The following ALDH16A1 variants were observed in gnomAD, a reference collection of about 807,000 sequenced individuals.
ALDH16A1 encodes the protein aldehyde dehydrogenase family 16 member A1.
Under a neutral mutation model 96.1 loss-of-function variants are expected in ALDH16A1, and 88 were observed. The ratio of observed to expected loss-of-function variants is 0.92; its 90% CI spans 0.77 to 1.09. The LOEUF (loss-of-function observed/expected upper bound fraction) is 1.09. Among genes scored for constraint, ALDH16A1 ranks in the 50% least tolerant of loss-of-function variants. The pLI is 0.00. For synonymous variants in ALDH16A1, 522 were observed against 496.4 expected (o/e 1.05, Z -0.69); for missense variants, 1,250 against 1,112.6 (o/e 1.12, Z -1.76).
Position 49,461,877 on chromosome 19 carries a change from T to TC in ALDH16A1, c.760-4dup, listed in dbSNP as rs750094575. 3 of 1,583,052 alleles carry TC rather than the reference T, an allele frequency of 1.9e-6. No individual in the cohort carries two copies. Among genetic ancestry groups the TC allele is most frequent in the African/African-American group, 1.4e-5 (1 of 72,784 alleles). ...CCTCCTGCGGCTGAACTGGGGGGGG[T>TC]CCCTAGGAAGGGCGTGCCCTTCGAC... is the stretch of plus-strand genomic sequence containing the variant. On this transcript the variant is annotated splice_region_variant and splice_polypyrimidine_tract_variant and intron_variant, in intron 6 of 16. Coordinates refer to ENST00000293350, the MANE Select transcript of ALDH16A1 (RefSeq NM_153329.4).
chr19:49,462,412 G>C (rs1372398646), intron 7 of ALDH16A1, among the ~76,000 whole-genome samples, 158 bp from the exon 8 acceptor site: 3 of 152,200 alleles, frequency 2.0e-5, no homozygotes, highest in African/African-American at 7.2e-5. Flanking sequence ...TGGGACTGCA[G>C]GTGTGAGCCA....
At chr19:49,458,430 T>A (rs1241420285) in intron 1 of ALDH16A1, 56 bp from the exon 2 acceptor site, 70 of 1,416,568 alleles carry the variant, frequency 4.9e-5, no homozygotes, top group Non-Finnish European at 6.6e-5. Context: ...TGGGTAGGGG[T>A]TGAACTGCCC....
In ALDH16A1 at chr19:49,468,783, C is replaced by T. The variant is rs531583524; in HGVS notation, c.2125-81C>T. 5.3e-6 allele frequency: 8 copies of T among 1,522,834 alleles called. No individual in the cohort carries two copies. The South Asian group carries it at 9.6e-5, about 18-fold the overall frequency. 94.3% of individuals were successfully genotyped at this position (1,522,834 alleles called of 1,614,324 possible). A position where few individuals can be genotyped will look rare whatever the true frequency, so the allele number is the denominator to read the frequency against. ...CCTCCATGACCCCCCATCCCCTTCC[C>T]TCCCATGGGCACCCCCTGAATGCCC... On this transcript the variant is annotated intron_variant, in intron 15 of 16. Transcript: ENST00000293350. The surrounding 1 kb of genome is among the most constrained non-coding windows in gnomAD (Gnocchi z 4.4).
chr19:49,466,683 A>C (rs1426925136), intron 14 of ALDH16A1, among the ~76,000 whole-genome samples: 1 of 151,980 alleles, frequency 6.6e-6, no homozygotes, highest in Admixed American at 6.6e-5. Context: ...ACACGGTGAA[A>C]CCTGGTCTCT....
At position 49,468,208 on chromosome 19, in the gene ALDH16A1, C is replaced by T. The variant is rs906307925; in HGVS notation, c.1939-173C>T. The T allele has an allele frequency of 9.8e-6, 6 of 612,044 alleles. No individual in the cohort carries two copies. Among genetic ancestry groups the T allele is most frequent in the East Asian group, 3.0e-5 (1 of 33,892 alleles). The allele number at this position is 612,044 out of a possible 1,614,324, so 37.9% of individuals were successfully genotyped here. On this transcript the variant is annotated intron_variant, in intron 14 of 16. Coordinates refer to ENST00000293350, the MANE Select transcript of ALDH16A1 (RefSeq NM_153329.4). The surrounding 1 kb of genome is among the most constrained non-coding windows in gnomAD (Gnocchi z 4.4). Reference sequence around the variant, plus strand: ...GTTATGCAGGATGTTTCTCACCGCCCGAACCCCCGTGGAATGATTCACTTT... The same window carrying T: ...GTTATGCAGGATGTTTCTCACCGCCTGAACCCCCGTGGAATGATTCACTTT...
Position 49,460,856 on chromosome 19 carries a change from C to T in ALDH16A1, c.534C>T (p.Ser178=), listed in dbSNP as rs140236782. 41 of 1,613,680 alleles carry T rather than the reference C, an allele frequency of 2.5e-5. No individual in the cohort carries two copies. The highest frequency in any genetic ancestry group is 1.7e-4 in the Middle Eastern group (1 of 5,988). ...GCCTCATCCTGCCACCCACATTCTC[C>T]TTCCTTGAGATGATGTGGAGGATTT... ...VIGLILPPTF[S]FLEMMWRICP... is the part of the protein sequence containing the mutation. Residue 178 remains serine (S), a synonymous_variant, in exon 5 of 17, where the codon TCC becomes TCT. Coordinates refer to ENST00000293350, the MANE Select transcript of ALDH16A1 (RefSeq NM_153329.4).
chr19:49,459,964 G>A lies in ALDH16A1; in HGVS notation c.499+116G>A. 2 of 1,266,000 alleles carry A rather than the reference G, an allele frequency of 1.6e-6. No homozygotes were observed. Among genetic ancestry groups the A allele is most frequent in the African/African-American group, 1.6e-5 (1 of 63,650 alleles). The allele number at this position is 1,266,000 out of a possible 1,614,324, so 78.4% of individuals were successfully genotyped here. On this transcript the variant is annotated intron_variant, in intron 4 of 16. Coordinates refer to ENST00000293350, the MANE Select transcript of ALDH16A1 (RefSeq NM_153329.4). This position sits in a 1 kb window ranked among gnomAD's most constrained non-coding sequence, Gnocchi z 4.1. ...TCGCTCTTGTCGCCCAGGCCGGAGT[G>A]CAGTGGCGCAATCTTGGCTCACTAT...
At chr19:49,453,452 T>C (rs2122354026) in intron 1 of ALDH16A1, 31 bp downstream of exon 1, 2 of 1,507,466 alleles carry the variant, frequency 1.3e-6, no homozygotes, top group Non-Finnish European at 1.8e-6. Flanking sequence ...CGCTGCTCGC[T>C]GCGTTCCCCA....
At chr19:49,457,235 G>A (rs1190249795) in intron 1 of ALDH16A1, among the ~76,000 whole-genome samples, 1 of 151,740 alleles carries the variant, frequency 6.6e-6, no homozygotes, top group East Asian at 2.0e-4. Context: ...GGGAAGACGT[G>A]ACCAGGATGA....
Position 49,468,772 on chromosome 19 carries a change from C to A in ALDH16A1, c.2125-92C>A. On this transcript the variant is annotated intron_variant, in intron 15 of 16. Coordinates refer to ENST00000293350, the MANE Select transcript of ALDH16A1 (RefSeq NM_153329.4). This position sits in a 1 kb window ranked among gnomAD's most constrained non-coding sequence, Gnocchi z 4.4. ...TGGGGCTTTCTCCTCCATGACCCCC[C>A]ATCCCCTTCCCTCCCATGGGCACCC... 6.8e-7 allele frequency: 1 copy of A among 1,466,804 alleles called. No homozygotes were observed. Among genetic ancestry groups the A allele is most frequent in the Non-Finnish European group, 9.3e-7 (1 of 1,074,152 alleles). 90.9% of individuals were successfully genotyped at this position (1,466,804 alleles called of 1,614,324 possible).
intron 1 of ALDH16A1, among the ~76,000 whole-genome samples, chr19:49,454,352 C>T (rs961870351): frequency 1.7e-4 from 26 of 152,188 alleles, no homozygotes; most frequent in Admixed American, 1.7e-3. Flanking sequence ...TTACTTATGG[C>T]CCCTCACAAT....
rs754009298 is a variant in ALDH16A1 at position 49,459,118 on chromosome 19, C to T, written c.320+32C>T. ...CAGCTGAGGTGTGGACCCCGGGAGGCGGGGAACCCCAGCATCCACTCGAGA... is the reference window on the plus strand; with the variant it reads ...CAGCTGAGGTGTGGACCCCGGGAGGTGGGGAACCCCAGCATCCACTCGAGA... On this transcript the variant is annotated intron_variant, in intron 3 of 16. Coordinates refer to ENST00000293350, the MANE Select transcript of ALDH16A1 (RefSeq NM_153329.4). The surrounding 1 kb of genome is among the most constrained non-coding windows in gnomAD (Gnocchi z 4.1). 4 of 1,592,678 alleles carry T rather than the reference C, an allele frequency of 2.5e-6. No individual in the cohort carries two copies. Among genetic ancestry groups the T allele is most frequent in the Middle Eastern group, 1.8e-4 (1 of 5,690 alleles).
chr19:49,461,428 G>A (rs1446587281), intron 5 of ALDH16A1, among the ~76,000 whole-genome samples, 191 bp from the exon 6 acceptor site: 67 of 119,862 alleles, frequency 5.6e-4, no homozygotes, highest in African/African-American at 2.2e-3. Context: ...AGGGAGGAGG[G>A]GCTGGGCCTG....
At chr19:49,461,858 G>A (rs777547255) in intron 6 of ALDH16A1, 26 bp from the exon 7 acceptor site, 4 of 1,595,652 alleles carry the variant, frequency 2.5e-6, no homozygotes, top group Admixed American at 3.5e-5. Context: ...GGCTCCTCCT[G>A]CGGCTGAACT....
rs144577268 is a variant in ALDH16A1, at chr19:49,468,422, G to A, written c.1980G>A (p.Pro660=). The change falls in exon 15 of 17, where the codon CCG becomes CCA. Residue 660 remains proline (P), a synonymous_variant. Coordinates refer to ENST00000293350, the MANE Select transcript of ALDH16A1 (RefSeq NM_153329.4). This position sits in a 1 kb window ranked among gnomAD's most constrained non-coding sequence, Gnocchi z 4.4. The part of the protein sequence containing the change: ...LRGPVLRLRE[P]LGVLAVVCPD... ...GCCCTGTGCTGCGCCTGCGGGAGCC[G>A]CTGGGTGTGCTGGCTGTGGTGTGTC... is the stretch of plus-strand genomic sequence containing the variant. 2.1e-5 allele frequency: 34 copies of A among 1,600,698 alleles called. No individual in the cohort carries two copies. Among genetic ancestry groups the A allele is most frequent in the African/African-American group, 6.7e-5 (5 of 74,974 alleles).
intron 12 of ALDH16A1, 30 bp from the exon 13 acceptor site, chr19:49,465,708 G>C: frequency 6.3e-7 from 1 of 1,597,140 alleles, no homozygotes; most frequent in Non-Finnish European, 8.5e-7. Flanking sequence ...GAGGCCCCAG[G>C]ACTCCTCCTC....
In ALDH16A1 at chr19:49,463,864, C is replaced by T; in HGVS notation, c.1109C>T (p.Ala370Val). 6.2e-7 allele frequency: 1 copy of T among 1,613,192 alleles called. No homozygotes were observed. Among genetic ancestry groups the T allele is most frequent in the Non-Finnish European group, 8.5e-7 (1 of 1,179,454 alleles). Reference protein sequence around the residue: ...AQSQGAQVFQAGDVPSERPFY... With the variant: ...AQSQGAQVFQVGDVPSERPFY... The stretch of plus-strand genomic sequence containing the variant: ...CATTTCTCTCCCTAGGTGTTCCAGG[C>T]TGGTGATGTGCCTTCGGAACGCCCA... Residue 370 changes from alanine to valine, a missense_variant, in exon 9 of 17, where the codon GCT becomes GTT. By Grantham distance (64) the Ala-to-Val change is moderately conservative. Coordinates refer to ENST00000293350, the MANE Select transcript of ALDH16A1 (RefSeq NM_153329.4).
intron 1 of ALDH16A1, among the ~76,000 whole-genome samples, chr19:49,457,551 CA>C (rs56211125): frequency 7.2e-4 from 97 of 135,640 alleles, no homozygotes; most frequent in South Asian, 1.4e-3. Context: ...CTGTCTCAAA[CA>C]AAAAAAAAAA....
At chr19:49,461,531 G>A (rs1448175731) in intron 5 of ALDH16A1, 88 bp from the exon 6 acceptor site, 18 of 597,494 alleles carry the variant, frequency 3.0e-5, no homozygotes, top group South Asian at 1.4e-4. Context: ...GTCTGAGGGA[G>A]GAGGGGCTGG....
Sources: gnomAD v4.1 joint callset for allele counts (sites outside exome capture counted in the v4.1 genomes callset) on GRCh38, gnomAD v4.1.1 for gene constraint, Gnocchi (gnomAD v3.1) non-coding constraint, MANE v1.5 for transcripts, NCBI Gene and HGNC (gene_info 2026-07-23, HGNC 2026-07-21) for gene names.